Variants in PRKG1 observed in about 807,000 individuals in gnomAD.
PRKG1 encodes cGMP-dependent protein kinase 1.
Under a neutral mutation model 88.1 loss-of-function variants are expected in PRKG1, and 35 were observed. The observed-to-expected ratio is 0.40, with a 90% CI of 0.30 to 0.53. PRKG1 has a LOEUF of 0.53. PRKG1 is among the 20% of genes least tolerant of loss of function. PRKG1 has a pLI of 0.59. For synonymous variants in PRKG1, 303 were observed against 292.5 expected (o/e 1.04, Z -0.37); for missense variants, 540 against 839.8 (o/e 0.64, Z 4.41).
At chr10:52,064,982 AT>A (rs1240081121) in intron 7 of PRKG1, among the ~76,000 whole-genome samples, 2 of 152,144 alleles carry the variant, frequency 1.3e-5, no homozygotes, top group African/African-American at 4.8e-5. Flanking sequence ...GTACATCTGG[AT>A]TCACTATGGG....
intron 1 of PRKG1, among the ~76,000 whole-genome samples, chr10:50,998,662 C>G (rs1206811581): frequency 6.6e-6 from 1 of 152,090 alleles, no homozygotes; most frequent in Admixed American, 6.6e-5. Flanking sequence ...GCAGGAGAAT[C>G]GCTTGAACCT....
chr10:52,224,808 C>CATATATATATATATATATATATATAT (rs71032630), intron 9 of PRKG1, among the ~76,000 whole-genome samples: 276 of 106,248 alleles, frequency 2.6e-3, no homozygotes, highest in Middle Eastern at 4.4e-3. Flanking sequence ...AGTATTCCAT[C>CATATATATATATATATATATATATAT]ATATATATAT....
intron 10 of PRKG1, among the ~76,000 whole-genome samples, chr10:52,270,023 A>T (rs957589191): frequency 1.4e-4 from 21 of 151,366 alleles, no homozygotes; most frequent in African/African-American, 4.8e-4. Flanking sequence ...TGCTTGTTTG[A>T]GAAGAAAAAC....
At chr10:52,191,988 G>A (rs1235683228) in intron 9 of PRKG1, among the ~76,000 whole-genome samples, 2 of 152,120 alleles carry the variant, frequency 1.3e-5, no homozygotes, top group African/African-American at 2.4e-5. Flanking sequence ...GATAAATGCT[G>A]TTTATTCTTT....
chr10:51,917,619 A>G (rs1004410123), intron 5 of PRKG1, among the ~76,000 whole-genome samples: 3 of 152,196 alleles, frequency 2.0e-5, no homozygotes, highest in Non-Finnish European at 4.4e-5. Context: ...TATAGTATGA[A>G]ATTTTAAGTA....
intron 4 of PRKG1, among the ~76,000 whole-genome samples, chr10:51,824,231 A>G (rs529877525): frequency 6.6e-6 from 1 of 152,246 alleles, no homozygotes; most frequent in African/African-American, 2.4e-5. Flanking sequence ...TGGTGCTTGG[A>G]CAGCATTTAT....
intron 3 of PRKG1, among the ~76,000 whole-genome samples, chr10:51,652,438 A>C (rs1280585660): frequency 1.3e-5 from 2 of 152,128 alleles, no homozygotes; most frequent in African/African-American, 4.8e-5. Context: ...CAAGTTTAGC[A>C]TCTCTTAAAT....
chr10:51,128,466 G>A (rs577320564), intron 1 of PRKG1, among the ~76,000 whole-genome samples: 1 of 152,168 alleles, frequency 6.6e-6, no homozygotes, highest in East Asian at 1.9e-4. Flanking sequence ...CATCTACTTT[G>A]CATCTGTGGC....
At chr10:51,615,932 G>A (rs1429965351) in intron 3 of PRKG1, among the ~76,000 whole-genome samples, 2 of 152,044 alleles carry the variant, frequency 1.3e-5, no homozygotes, top group Non-Finnish European at 2.9e-5. Context: ...CACATCTGAT[G>A]TAATAGTCAC....
At chr10:51,130,737 C>A (rs999209305) in intron 1 of PRKG1, among the ~76,000 whole-genome samples, 72 of 151,974 alleles carry the variant, frequency 4.7e-4, no homozygotes, top group African/African-American at 1.7e-3. Context: ...CCCGTCTCTA[C>A]TAAAAATACA....
intron 3 of PRKG1, among the ~76,000 whole-genome samples, chr10:51,536,663 A>G (rs1842158416): frequency 6.6e-6 from 1 of 151,236 alleles, no homozygotes; most frequent in African/African-American, 2.4e-5. Context: ...TATTATTATT[A>G]TTATACTTTA....
At chr10:51,528,196 G>A (rs1013777930) in intron 3 of PRKG1, among the ~76,000 whole-genome samples, 5 of 152,164 alleles carry the variant, frequency 3.3e-5, no homozygotes. Flanking sequence ...GTGAGCTAGA[G>A]CCACTAATCT....
intron 9 of PRKG1, chr10:52,231,346 A>G (rs1840516970): frequency 1.3e-5 from 2 of 152,108 alleles, no homozygotes; most frequent in South Asian, 4.1e-4. Flanking sequence ...GGCTGCAGTG[A>G]ATCATTATCT....
At chr10:51,378,412 C>T (rs955217639) in intron 2 of PRKG1, among the ~76,000 whole-genome samples, 2 of 152,052 alleles carry the variant, frequency 1.3e-5, no homozygotes, top group African/African-American at 2.4e-5. Context: ...TAGCACTAGC[C>T]GACCATTTAG....
intron 3 of PRKG1, among the ~76,000 whole-genome samples, chr10:51,767,235 A>G (rs999075214): frequency 2.0e-5 from 3 of 152,174 alleles, no homozygotes; most frequent in Non-Finnish European, 4.4e-5. Context: ...ATTGGCGTAA[A>G]TGCACATATA....
intron 9 of PRKG1, among the ~76,000 whole-genome samples, chr10:52,250,537 C>A (rs181129769): frequency 6.7e-4 from 102 of 152,278 alleles, no homozygotes; most frequent in African/African-American, 2.4e-3. Flanking sequence ...GTGTTAGTAT[C>A]ATTACCTCAA....
intron 1 of PRKG1, among the ~76,000 whole-genome samples, chr10:51,026,852 C>G (rs545849836): frequency 6.6e-6 from 1 of 152,286 alleles, no homozygotes; most frequent in South Asian, 2.1e-4. Flanking sequence ...TATGCATTAT[C>G]TTCCTTAATT....
chr10:52,191,824 C>T (rs946815752), intron 9 of PRKG1, among the ~76,000 whole-genome samples: 1 of 152,088 alleles, frequency 6.6e-6, no homozygotes, highest in Non-Finnish European at 1.5e-5. Flanking sequence ...CCTGAATCAG[C>T]TATCTCATTA....
chr10:52,143,637 G>A (rs1051925229), intron 8 of PRKG1, among the ~76,000 whole-genome samples: 2 of 152,126 alleles, frequency 1.3e-5, no homozygotes, highest in Non-Finnish European at 2.9e-5. Context: ...AGTCCGCTGG[G>A]GAAGCTGCTG....
Sources: gnomAD v4.1 joint callset for allele counts (sites outside exome capture counted in the v4.1 genomes callset) on GRCh38, gnomAD v4.1.1 for gene constraint, MANE v1.5 for transcripts, NCBI Gene and HGNC (gene_info 2026-07-23, HGNC 2026-07-21) for gene names.